The following KRT31 variants were observed in gnomAD, a reference collection of about 807,000 sequenced individuals.
KRT31 encodes the protein keratin 31.
A neutral mutation model predicts 40.8 loss-of-function variants in KRT31; 27 were observed. The observed-to-expected ratio is 0.66, with a 90% CI of 0.49 to 0.91. The LOEUF is 0.91. Among genes scored for constraint, KRT31 ranks in the 40% least tolerant of loss-of-function variants. KRT31 has a pLI of 0.00. For missense variants in KRT31, 510 were observed against 544.1 expected, an observed-to-expected ratio of 0.94 and a Z score of 0.62; for synonymous variants, 231 against 231.9, an observed-to-expected ratio of 1.00 and a Z score of 0.03.
rs1298636803 is a variant in KRT31 at position 41,394,092 on chromosome 17, G to C, written c.1175C>G (p.Ser392Cys). ...TGTGCAGGGGGCAGGAGGGACACAAGAGGTACAGGGATTGGAGAGACAGGG... is the reference window on the plus strand; with the variant it reads ...TGTGCAGGGGGCAGGAGGGACACAACAGGTACAGGGATTGGAGAGACAGGG... The part of the protein sequence containing the change: ...IGPCLSNPCT[S>C]CVPPAPCTPC... Residue 392 changes from serine (S) to cysteine (C), a missense_variant, in exon 7 of 7, where the codon TCT becomes TGT. By Grantham distance (112) the Ser-to-Cys change is moderately radical. Transcript: ENST00000251645. 6.2e-7 allele frequency: 1 copy of C among 1,613,254 alleles called. No homozygotes were observed. The highest frequency in any genetic ancestry group is 1.7e-4 in the Middle Eastern group (1 of 6,060).
rs564020737 is a variant in KRT31, at chr17:41,396,538, G to T, written c.470C>A (p.Ser157Ter). The T allele has an allele frequency of 6.2e-7, 1 of 1,614,006 alleles. No individual in the cohort carries two copies. Among genetic ancestry groups the T allele is most frequent in the Non-Finnish European group, 8.5e-7 (1 of 1,180,018 alleles). The stretch of plus-strand genomic sequence containing the variant: ...GATCCTGCGCAGACCGTTGATGTCC[G>T]ACTCCACCAGCTGCCGCAGGGACAG... ...TELSLRQLVE[S>*]DINGLRRILD... The change falls in exon 3 of 7, where the codon TCG becomes TAG. Residue 157 changes from serine (S) to a stop codon, truncating the protein, a stop_gained. Transcript: ENST00000251645. LOFTEE classifies it high-confidence loss of function.
chr17:41,393,744 T>A lies in KRT31; in HGVS notation c.*272A>T. ...TCTGCTTTGCCAAGGAAATGATATTTATTAGGAGGTTAAAAGGGAGGCCCA... is the reference window on the plus strand; with the variant it reads ...TCTGCTTTGCCAAGGAAATGATATTAATTAGGAGGTTAAAAGGGAGGCCCA... On this transcript the variant is annotated 3_prime_UTR_variant, in exon 7 of 7. Transcript: ENST00000251645. 1 of 457,524 alleles carries A rather than the reference T, an allele frequency of 2.2e-6. No individual in the cohort carries two copies. The highest frequency in any genetic ancestry group is 3.8e-6 in the Non-Finnish European group (1 of 262,296). The allele number at this position is 457,524 out of a possible 1,614,324, so 28.3% of individuals were successfully genotyped here. A position where few individuals can be genotyped will look rare whatever the true frequency, so the allele number is the denominator to read the frequency against.
Position 41,395,278 on chromosome 17 carries a change from G to A in KRT31, c.843C>T (p.Ala281=). The change falls in exon 5 of 7, where the codon GCC becomes GCT. Residue 281 remains alanine, a synonymous_variant. Transcript: ENST00000251645. ...GCTGGGCCTGCAGCTCGATCTCCAG[G>A]GCGTTGACTGTGCGTCTCAGCTCGA... ...EIIELRRTVN[A]LEIELQAQHN... is the part of the protein sequence containing the mutation. 6.2e-7 allele frequency: 1 copy of A among 1,612,948 alleles called. No individual in the cohort carries two copies. Among genetic ancestry groups the A allele is most frequent in the Non-Finnish European group, 8.5e-7 (1 of 1,180,036 alleles).
In KRT31 at chr17:41,393,893, C is replaced by G; in HGVS notation, c.*123G>C. Reference sequence around the variant, plus strand: ...AGGCTTTGGGTGAGTTTCTTGGCTGCCTTACGCGGGCAACTCCAGCCATGC... The same window carrying G: ...AGGCTTTGGGTGAGTTTCTTGGCTGGCTTACGCGGGCAACTCCAGCCATGC... On this transcript the variant is annotated 3_prime_UTR_variant, in exon 7 of 7. Transcript: ENST00000251645. The G allele has an allele frequency of 4.5e-6, 5 of 1,099,498 alleles. No homozygotes were observed. Among genetic ancestry groups the G allele is most frequent in the Non-Finnish European group, 6.3e-6 (5 of 789,480 alleles). The allele number at this position is 1,099,498 out of a possible 1,614,324, so 68.1% of individuals were successfully genotyped here. A position where few individuals can be genotyped will look rare whatever the true frequency, so the allele number is the denominator to read the frequency against.
In KRT31 at chr17:41,395,574, A is replaced by G. The variant is rs2144357161; in HGVS notation, c.638T>C (p.Val213Ala). Reference protein sequence around the residue: ...CQLGDRLNVEVDAAPTVDLNR... With the variant: ...CQLGDRLNVEADAAPTVDLNR... ...CAGGTCCACAGTGGGAGCAGCATCC[A>G]CCTCCACATTGAGGCGGTCTCCAAG... Residue 213 changes from valine (V) to alanine (A), a missense_variant, in exon 4 of 7, where the codon GTG (valine) becomes GCG (alanine). Val to Ala is a moderately conservative substitution (Grantham distance 64, BLOSUM62 0). Coordinates refer to ENST00000251645, the MANE Select transcript of KRT31 (RefSeq NM_002277.3). The G allele has an allele frequency of 6.2e-7, 1 of 1,614,088 alleles. No individual in the cohort carries two copies.
rs1031515432 is a variant in KRT31, at chr17:41,397,318, C to A, written c.222G>T (p.Val74=). Residue 74 remains valine (V), a synonymous_variant, in exon 1 of 7, where the codon GTG becomes GTT. Coordinates refer to ENST00000251645, the MANE Select transcript of KRT31 (RefSeq NM_002277.3). The part of the protein sequence containing the change: ...NDRLASYLEK[V]RQLERDNAEL... ...CCGCGTTGTCCCGCTCCAGCTGACG[C>A]ACTTTCTCCAGGTAGCTGGCCAGGC... 6 of 1,614,148 alleles carry A rather than the reference C, an allele frequency of 3.7e-6. No individual in the cohort carries two copies. In the Middle Eastern group the frequency reaches 1.0e-3, roughly 270 times the overall value.
At position 41,397,302 on chromosome 17, in the gene KRT31, C is replaced by G; in HGVS notation, c.238G>C (p.Asp80His). Reference sequence around the variant, plus strand: ...ATGAGGTTCTCCAGCTCCGCGTTGTCCCGCTCCAGCTGACGCACTTTCTCC... The same window carrying G: ...ATGAGGTTCTCCAGCTCCGCGTTGTGCCGCTCCAGCTGACGCACTTTCTCC... ...YLEKVRQLER[D>H]NAELENLIRE... The change falls in exon 1 of 7, where the codon GAC becomes CAC. Residue 80 changes from aspartate (D) to histidine (H), a missense_variant. Transcript: ENST00000251645. The G allele has an allele frequency of 6.2e-7, 1 of 1,614,186 alleles. No individual in the cohort carries two copies. Among genetic ancestry groups the G allele is most frequent in the South Asian group, 1.1e-5 (1 of 91,084 alleles).
intron 1 of KRT31, 93 bp from the exon 2 acceptor site, chr17:41,397,088 G>C: frequency 1.9e-6 from 3 of 1,579,110 alleles, no homozygotes; most frequent in East Asian, 4.5e-5. Flanking sequence ...AAATAAAAGA[G>C]GAAGCAAGAA....
intron 3 of KRT31, 111 bp downstream of exon 3, chr17:41,396,309 G>A (rs75682641): frequency 0.16 from 166,675 of 1,011,054 alleles, 15,192 homozygotes; most frequent in East Asian, 0.29. Context: ...TGTTTTCAAA[G>A]GAAACCCTCA....
At chr17:41,395,104 C>A (rs552595139) in intron 5 of KRT31, 36 bp from the exon 6 acceptor site, 1 of 1,612,968 alleles carries the variant, frequency 6.2e-7, no homozygotes, top group Non-Finnish European at 8.5e-7. Context: ...CAGAGAGCTG[C>A]TCCTTCAAAG....
At position 41,393,826 on chromosome 17, in the gene KRT31, G is replaced by A; in HGVS notation, c.*190C>T. On this transcript the variant is annotated 3_prime_UTR_variant, in exon 7 of 7. Transcript: ENST00000251645. ...TAGGAAGGAACAGACCCCCAGGAAG[G>A]AAAGGGTGAGCAGGACAGTCTGGAG... is the stretch of plus-strand genomic sequence containing the variant. 1 of 579,376 alleles carries A rather than the reference G, an allele frequency of 1.7e-6. No individual in the cohort carries two copies. 35.9% of individuals were successfully genotyped at this position (579,376 alleles called of 1,614,324 possible). A position where few individuals can be genotyped will look rare whatever the true frequency, so the allele number is the denominator to read the frequency against.
In KRT31 at chr17:41,396,388, CAGGTTTGTGCATTT is replaced by C; in HGVS notation, c.588+18_588+31del. 7 of 1,603,522 alleles carry C rather than the reference CAGGTTTGTGCATTT, an allele frequency of 4.4e-6. No homozygotes were observed. The highest frequency in any genetic ancestry group is 6.0e-6 in the Non-Finnish European group (7 of 1,173,870). The stretch of plus-strand genomic sequence containing the variant: ...AGCAACCCTGAGCCAGAGGCTGAGA[CAGGTTTGTGCATTT>C]CTCATTTCTAGTCTCACCTGCTCAT... On this transcript the variant is annotated intron_variant, in intron 3 of 6. Coordinates refer to ENST00000251645, the MANE Select transcript of KRT31 (RefSeq NM_002277.3).
rs2018175328 is a variant in KRT31 at position 41,393,979 on chromosome 17, G to GTCACA, written c.*36_*37insTGTGA. ...GCCAGGTCACAGCTCTGGAGTCCTG[G>GTCACA]GCCCTGCATCCTTGCTCCTCTGGCA... On this transcript the variant is annotated 3_prime_UTR_variant, in exon 7 of 7. Coordinates refer to ENST00000251645, the MANE Select transcript of KRT31 (RefSeq NM_002277.3). 7 of 1,604,168 alleles carry GTCACA rather than the reference G, an allele frequency of 4.4e-6. No individual in the cohort carries two copies. Among genetic ancestry groups the GTCACA allele is most frequent in the Admixed American group, 1.7e-5 (1 of 58,560 alleles).
Position 41,394,119 on chromosome 17 carries a change from C to T in KRT31, c.1148G>A (p.Gly383Glu), listed in dbSNP as rs765049634. ...ATTNACSKPIGPCLSNPCTSC... is the reference protein window; with the variant it reads ...ATTNACSKPIEPCLSNPCTSC... ...GGTACAGGGATTGGAGAGACAGGGT[C>T]CGATGGGCTTGCTGCACGCGTTGGT... is the stretch of plus-strand genomic sequence containing the variant. Residue 383 changes from glycine to glutamate, a missense_variant, in exon 7 of 7, where the codon GGA becomes GAA. By Grantham distance (98) the Gly-to-Glu change is moderately conservative (BLOSUM62 -2). Coordinates refer to ENST00000251645, the MANE Select transcript of KRT31 (RefSeq NM_002277.3). 9.9e-5 allele frequency: 159 copies of T among 1,612,416 alleles called. 1 individual carries two copies. The highest frequency in any genetic ancestry group is 1.2e-4 in the Non-Finnish European group (143 of 1,179,350).
Position 41,394,868 on chromosome 17 carries a change from C to T in KRT31, c.1077G>A (p.Leu359=), listed in dbSNP as rs76174069. ...CTCACTTGCAGTCCTCGCTCTCCAGCAGGCTCCGGTATGTGTTGATCTCAC... is the reference window on the plus strand; with the variant it reads ...CTCACTTGCAGTCCTCGCTCTCCAGTAGGCTCCGGTATGTGTTGATCTCAC... ...LECEINTYRS[L]LESEDCNLPS... Residue 359 remains leucine (L), a synonymous_variant, in exon 6 of 7, where the codon CTG becomes CTA. Transcript: ENST00000251645. The T allele has an allele frequency of 6.2e-7, 1 of 1,614,180 alleles. No homozygotes were observed. Among genetic ancestry groups the T allele is most frequent in the African/African-American group, 1.3e-5 (1 of 75,060 alleles).
intron 3 of KRT31, 120 bp from the exon 4 acceptor site, chr17:41,395,743 A>G (rs2018215896): frequency 8.5e-7 from 1 of 1,179,556 alleles, no homozygotes; most frequent in South Asian, 1.6e-5. Context: ...TGAGTGGAGC[A>G]GTTTGTGACA....
At position 41,397,197 on chromosome 17, in the gene KRT31, G is replaced by A; in HGVS notation, c.343C>T (p.Gln115Ter). 6.2e-7 allele frequency: 1 copy of A among 1,613,612 alleles called. No homozygotes were observed. Reference sequence around the variant, plus strand: ...ATGACAGCAATGCCGCTCACCTTCTGCTGGAGCTCCTCAATGGTCTTAAAA... The same window carrying A: ...ATGACAGCAATGCCGCTCACCTTCTACTGGAGCTCCTCAATGGTCTTAAAA... ...SYFKTIEELQ[Q>*]KILCTKSENA... is the part of the protein sequence containing the mutation. Residue 115 changes from glutamine (Q) to a stop codon, truncating the protein, a stop_gained, in exon 1 of 7, where the codon CAG (glutamine) becomes TAG (stop). Transcript: ENST00000251645. LOFTEE classifies it high-confidence loss of function.
At position 41,397,252 on chromosome 17, in the gene KRT31, C is replaced by T. The variant is rs149521729; in HGVS notation, c.288G>A (p.Glu96=). The T allele has an allele frequency of 1.5e-3, 2,368 of 1,614,228 alleles. 18 individuals are homozygous for T. The highest frequency in any genetic ancestry group is 0.013 in the Middle Eastern group (78 of 6,060). Residue 96 remains glutamate, a synonymous_variant, in exon 1 of 7, where the codon GAG becomes GAA. Transcript: ENST00000251645. ...NLIRERSQQQ[E]PLLCPSYQSY... is the part of the protein sequence containing the mutation. ...ACTGGTAACTGGGGCACAGCAAGGG[C>T]TCCTGCTGCTGAGACCGCTCCCGGA...
chr17:41,395,511 G>A lies in KRT31; in HGVS notation c.701C>T (p.Ala234Val), dbSNP rs112544857. ...TTCCCTGCGGTTGGTTTCCACCAGG[G>A]CCTCATACTGACTCCTGGTCTCGTT... ...VLNETRSQYE[A>V]LVETNRREVE... The change falls in exon 4 of 7, where the codon GCC becomes GTC. Residue 234 changes from alanine (A) to valine (V), a missense_variant. Ala to Val is a moderately conservative substitution (Grantham distance 64, BLOSUM62 0). Coordinates refer to ENST00000251645, the MANE Select transcript of KRT31 (RefSeq NM_002277.3). 0.024 allele frequency: 38,834 copies of A among 1,614,168 alleles called. 543 individuals are homozygous for A. Among genetic ancestry groups the A allele is most frequent in the Middle Eastern group, 0.039 (239 of 6,062 alleles).
Sources: allele counts gnomAD v4.1 joint callset, GRCh38; gene constraint gnomAD v4.1.1; transcripts MANE v1.5; gene names NCBI Gene and HGNC (gene_info 2026-07-23, HGNC 2026-07-21).